PTPRN2: variants seen among roughly 807,000 people sequenced by gnomAD.
PTPRN2 encodes protein tyrosine phosphatase receptor type N2, also known as receptor-type tyrosine-protein phosphatase N2.
Under a neutral mutation model 118.8 loss-of-function variants are expected in PTPRN2, and 74 were observed. The observed-to-expected ratio is 0.62, with a 90% CI of 0.52 to 0.76. The LOEUF is 0.76. Ranked by LOEUF, PTPRN2 falls within the 30% of genes least tolerant of loss-of-function variation. The pLI, the probability that PTPRN2 is intolerant of heterozygous loss-of-function variation, is 0.00. For missense variants in PTPRN2, 1,481 were observed against 1,394.4 expected, an observed-to-expected ratio of 1.06 and a Z score of -0.99; for synonymous variants, 641 against 608.0, an observed-to-expected ratio of 1.05 and a Z score of -0.80.
intron 12 of PTPRN2, among the ~76,000 whole-genome samples, chr7:157,697,631 C>T (rs1446404916): frequency 1.3e-4 from 15 of 113,454 alleles, no homozygotes; most frequent in South Asian, 8.3e-4. Context: ...GAGCCCTCAC[C>T]GTCTACCCAT....
At chr7:158,243,723 T>A (rs868836535) in intron 3 of PTPRN2, among the ~76,000 whole-genome samples, 1 of 152,162 alleles carries the variant, frequency 6.6e-6, no homozygotes, top group Admixed American at 6.5e-5. Context: ...TCCTAAGTTG[T>A]AGTCTCTGCT....
At chr7:157,742,512 A>C (rs1800694800) in intron 12 of PTPRN2, among the ~76,000 whole-genome samples, 2 of 148,538 alleles carry the variant, frequency 1.3e-5, no homozygotes, top group Non-Finnish European at 3.0e-5. Context: ...AGAAGTGGGT[A>C]TCTAGGTTTG....
chr7:158,416,546 T>C (rs1295616161), intron 2 of PTPRN2, among the ~76,000 whole-genome samples: 1 of 152,152 alleles, frequency 6.6e-6, no homozygotes, highest in Non-Finnish European at 1.5e-5. Context: ...TGTGGCCACA[T>C]CATCTCCCAG....
At chr7:157,642,840 AAAAAG>A (rs1398207379) in intron 14 of PTPRN2, among the ~76,000 whole-genome samples, 5 of 148,620 alleles carry the variant, frequency 3.4e-5, no homozygotes, top group Admixed American at 6.7e-5. Context: ...AAAAAAAAAA[AAAAAG>A]CAGCTAAAAC....
intron 12 of PTPRN2, among the ~76,000 whole-genome samples, chr7:157,824,273 G>C (rs979052562): frequency 7.2e-5 from 11 of 151,970 alleles, no homozygotes; most frequent in African/African-American, 1.9e-4. Context: ...GCTGACCACA[G>C]GTCCTCCTCC....
intron 3 of PTPRN2, among the ~76,000 whole-genome samples, chr7:158,213,971 A>T (rs1207907955): frequency 4.6e-5 from 7 of 152,160 alleles, no homozygotes; most frequent in Non-Finnish European, 7.4e-5. Context: ...TTCTTCCAGA[A>T]CAACAGTTGG....
At chr7:157,657,791 AAACG>A (rs1795650962) in intron 13 of PTPRN2, among the ~76,000 whole-genome samples, 1 of 110,164 alleles carries the variant, frequency 9.1e-6, no homozygotes, top group Non-Finnish European at 2.0e-5. Context: ...ATACACACAC[AAACG>A]CCACACACAC....
chr7:158,458,054 G>A (rs977972270), intron 2 of PTPRN2, among the ~76,000 whole-genome samples: 6 of 152,188 alleles, frequency 3.9e-5, no homozygotes, highest in East Asian at 3.8e-4. Context: ...TTAATTTGGT[G>A]TCTCCTGGGC....
intron 12 of PTPRN2, among the ~76,000 whole-genome samples, chr7:157,832,266 C>T (rs541799582): frequency 2.6e-5 from 4 of 152,274 alleles, no homozygotes; most frequent in Admixed American, 2.6e-4. Context: ...TATTTCAGAC[C>T]GATCAGAGGC....
At chr7:158,051,136 G>A (rs1809297148) in intron 11 of PTPRN2, among the ~76,000 whole-genome samples, 1 of 152,202 alleles carries the variant, frequency 6.6e-6, no homozygotes, top group South Asian at 2.1e-4. Context: ...CATCTGTTGG[G>A]GGTCTGGAGG....
chr7:157,662,811 T>C (rs925906917), intron 13 of PTPRN2, among the ~76,000 whole-genome samples: 7 of 152,196 alleles, frequency 4.6e-5, no homozygotes, highest in Non-Finnish European at 7.3e-5. Flanking sequence ...GCGAGCCTTC[T>C]TTTTGGACAT....
rs11352464 is a variant in PTPRN2, at chr7:158,003,413, CAAAA to C, written c.1723+77881_1723+77884del. Among the ~76,000 whole-genome samples, 643 of 87,384 alleles carry C rather than the reference CAAAA, an allele frequency of 7.4e-3. 5 individuals are homozygous for C. Among genetic ancestry groups the C allele is most frequent in the African/African-American group, 0.028 (620 of 22,302 alleles). The allele number at this position is 87,384 out of a possible 152,430, so 57.3% of individuals were successfully genotyped here. On this transcript the variant is annotated intron_variant, in intron 11 of 22. Coordinates refer to ENST00000389418, the MANE Select transcript of PTPRN2 (RefSeq NM_002847.5). The surrounding 1 kb of genome is among the most constrained non-coding windows in gnomAD (Gnocchi z 5.0). ...TGGGAGACACAGCGAGACTCCGTCT[CAAAA>C]AAAAAAAAAAAAAAAAATGAGGTCC...
intron 2 of PTPRN2, among the ~76,000 whole-genome samples, chr7:158,389,083 G>A (rs948509631): frequency 6.6e-6 from 1 of 152,226 alleles, no homozygotes; most frequent in Non-Finnish European, 1.5e-5. Context: ...TGCAGGCAGG[G>A]CAGTGCCTGG....
At chr7:157,786,705 G>A (rs1804061467) in intron 12 of PTPRN2, among the ~76,000 whole-genome samples, 1 of 152,260 alleles carries the variant, frequency 6.6e-6, no homozygotes, top group African/African-American at 2.4e-5. Flanking sequence ...TCATTGCAAT[G>A]TGTTTGGAAA....
At chr7:158,292,155 G>A (rs995177191) in intron 3 of PTPRN2, among the ~76,000 whole-genome samples, 11 of 152,162 alleles carry the variant, frequency 7.2e-5, no homozygotes, top group Admixed American at 3.3e-4. Flanking sequence ...TTTCTGTGCT[G>A]CCATCTGGTA....
intron 2 of PTPRN2, among the ~76,000 whole-genome samples, chr7:158,322,439 C>G (rs1407714133): frequency 6.6e-6 from 1 of 151,802 alleles, no homozygotes; most frequent in Non-Finnish European, 1.5e-5. Context: ...GAGGACACTC[C>G]AGGCTAAGGG....
intron 3 of PTPRN2, among the ~76,000 whole-genome samples, chr7:158,220,114 T>C (rs1313390430): frequency 6.6e-6 from 1 of 152,144 alleles, no homozygotes; most frequent in African/African-American, 2.4e-5. Flanking sequence ...CATCCCTTCA[T>C]GTTAAAAACC....
At position 157,603,850 on chromosome 7, in the gene PTPRN2, C is replaced by T. The variant is rs907408172; in HGVS notation, c.2418+152G>A. On this transcript the variant is annotated intron_variant, in intron 16 of 22. Coordinates refer to ENST00000389418, the MANE Select transcript of PTPRN2 (RefSeq NM_002847.5). The surrounding 1 kb of genome is among the most constrained non-coding windows in gnomAD (Gnocchi z 5.4). ...CGCTGGTGAAGGAACAGGGGAGTGG[C>T]GGGAGCCCAATGGGCAGAGTCGGCC... 19 of 712,050 alleles carry T rather than the reference C, an allele frequency of 2.7e-5. No homozygotes were observed. The highest frequency in any genetic ancestry group is 5.4e-5 in the East Asian group (2 of 36,812). The allele number at this position is 712,050 out of a possible 1,614,324, so 44.1% of individuals were successfully genotyped here. A position where few individuals can be genotyped will look rare whatever the true frequency, so the allele number is the denominator to read the frequency against.
chr7:158,179,091 A>G (rs1205071430), intron 5 of PTPRN2, among the ~76,000 whole-genome samples: 1 of 152,224 alleles, frequency 6.6e-6, no homozygotes, highest in Non-Finnish European at 1.5e-5. Flanking sequence ...TCTGTTTTCC[A>G]TAGATGTTGT....
Sources: gnomAD v4.1 joint callset for allele counts (sites outside exome capture counted in the v4.1 genomes callset) on GRCh38, gnomAD v4.1.1 for gene constraint, Gnocchi (gnomAD v3.1) non-coding constraint, MANE v1.5 for transcripts, NCBI Gene and HGNC (gene_info 2026-07-23, HGNC 2026-07-21) for gene names.